Variants in WWOX observed in about 807,000 individuals in gnomAD.
WWOX encodes WW domain containing oxidoreductase, also known as WW domain-containing oxidoreductase.
Under a neutral mutation model 46.2 loss-of-function variants are expected in WWOX, and 69 were observed. The ratio of observed to expected loss-of-function variants is 1.49; its 90% CI spans 1.23 to 1.82. The LOEUF (loss-of-function observed/expected upper bound fraction) is 1.82, where lower values mean the gene tolerates loss of function less well. WWOX is among the 40% of genes most tolerant of loss of function. The pLI, the probability that WWOX is intolerant of heterozygous loss-of-function variation, is 0.00. For missense variants in WWOX, 919 were observed against 542.6 expected (o/e 1.69, Z -6.89); for synonymous variants, 359 against 202.6 (o/e 1.77, Z -6.56).
chr16:79,144,203 G>T (rs1484051464), intron 8 of WWOX, among the ~76,000 whole-genome samples: 1 of 152,156 alleles, frequency 6.6e-6, no homozygotes, highest in East Asian at 1.9e-4. Context: ...CACAGCCAAG[G>T]TCAGCTTTTT....
intron 5 of WWOX, among the ~76,000 whole-genome samples, chr16:78,294,947 A>G (rs2079919797): frequency 6.6e-6 from 1 of 152,202 alleles, no homozygotes; most frequent in African/African-American, 2.4e-5. Flanking sequence ...GCGACTTTCT[A>G]CTTTGTTTTC....
chr16:78,985,474 A>G (rs2046766423), intron 8 of WWOX, among the ~76,000 whole-genome samples: 1 of 152,198 alleles, frequency 6.6e-6, no homozygotes, highest in African/African-American at 2.4e-5. Context: ...CGCCTGCACT[A>G]CATTCAGAAT....
rs372071572 is a variant in WWOX, at chr16:78,415,716, C to T, written c.606-9154C>T. 2.6e-5 allele frequency among the ~76,000 whole-genome samples: 4 copies of T among 152,228 alleles called. No individual in the cohort carries two copies. The East Asian group carries it at 7.7e-4, about 29-fold the overall frequency. On this transcript the variant is annotated intron_variant, in intron 6 of 8. Transcript: ENST00000566780. ...GGGTTAAAAAAGGGAAGGAGCTGGTCCCTTTGCAGTAGGAAGTGCCACCTC... is the reference window on the plus strand; with the variant it reads ...GGGTTAAAAAAGGGAAGGAGCTGGTTCCTTTGCAGTAGGAAGTGCCACCTC...
intron 8 of WWOX, among the ~76,000 whole-genome samples, chr16:79,060,618 A>C (rs564829813): frequency 3.3e-5 from 5 of 152,360 alleles, no homozygotes; most frequent in African/African-American, 1.2e-4. Flanking sequence ...TGTCTTCAAA[A>C]GCAACTGGAC....
intron 8 of WWOX, among the ~76,000 whole-genome samples, chr16:78,674,421 A>T (rs1288431184): frequency 6.6e-6 from 1 of 152,016 alleles, no homozygotes; most frequent in Non-Finnish European, 1.5e-5. Context: ...AGTAGCTGGA[A>T]CTACAGGCGT....
intron 8 of WWOX, among the ~76,000 whole-genome samples, chr16:79,091,786 T>G (rs1014873835): frequency 2.1e-5 from 3 of 142,882 alleles, no homozygotes; most frequent in Non-Finnish European, 3.1e-5. Flanking sequence ...TTTGTTTTTT[T>G]TTTTTTTTTT....
At chr16:78,780,622 A>G (rs1234769899) in intron 8 of WWOX, among the ~76,000 whole-genome samples, 1 of 152,210 alleles carries the variant, frequency 6.6e-6, no homozygotes, top group East Asian at 1.9e-4. Context: ...AGGGAAGACC[A>G]TTTTAAGGAG....
intron 8 of WWOX, among the ~76,000 whole-genome samples, chr16:78,977,552 G>A (rs994484348): frequency 8.6e-5 from 13 of 151,990 alleles, no homozygotes; most frequent in South Asian, 2.1e-4. Context: ...TGGGGGAGTC[G>A]CTTAATTTCC....
chr16:78,950,760 G>T (rs927410815), intron 8 of WWOX, among the ~76,000 whole-genome samples: 3 of 152,112 alleles, frequency 2.0e-5, no homozygotes, highest in African/African-American at 2.4e-5. Flanking sequence ...ATGAAATCTG[G>T]AATGATCTAC....
chr16:78,123,783 G>A (rs1031861319), intron 4 of WWOX: 1 of 151,770 alleles, frequency 6.6e-6, no homozygotes, highest in African/African-American at 2.4e-5. Context: ...AGAATATAGT[G>A]TCCCTTGCCC....
chr16:78,215,558 G>A (rs1265342339), intron 5 of WWOX, among the ~76,000 whole-genome samples: 3 of 152,162 alleles, frequency 2.0e-5, no homozygotes, highest in African/African-American at 7.2e-5. Flanking sequence ...CTAGCCATGC[G>A]GAACTGTGAG....
At chr16:78,405,936 G>C (rs1285813392) in intron 6 of WWOX, among the ~76,000 whole-genome samples, 10 of 152,190 alleles carry the variant, frequency 6.6e-5, no homozygotes, top group Non-Finnish European at 4.4e-5. Context: ...TCTCTGACAT[G>C]CTAAAATTGC....
At chr16:78,474,517 T>C (rs1035202982) in intron 8 of WWOX, among the ~76,000 whole-genome samples, 1 of 152,268 alleles carries the variant, frequency 6.6e-6, no homozygotes, top group African/African-American at 2.4e-5. Flanking sequence ...TGTTTGCTTT[T>C]CTTTAAAGCT....
At chr16:78,949,323 G>T (rs1462008243) in intron 8 of WWOX, among the ~76,000 whole-genome samples, 1 of 152,094 alleles carries the variant, frequency 6.6e-6, no homozygotes, top group African/African-American at 2.4e-5. Context: ...TTTTTAAGGG[G>T]ATGATAATTT....
chr16:78,329,636 A>G (rs904352667), intron 5 of WWOX, among the ~76,000 whole-genome samples: 3 of 152,224 alleles, frequency 2.0e-5, no homozygotes, highest in Non-Finnish European at 4.4e-5. Context: ...GCACACGCTT[A>G]AGGGAAGAAA....
chr16:78,556,129 A>G (rs1189167786), intron 8 of WWOX, among the ~76,000 whole-genome samples: 1 of 152,090 alleles, frequency 6.6e-6, no homozygotes, highest in Admixed American at 6.5e-5. Context: ...GACCACAGAC[A>G]GGCTTTTTCA....
intron 8 of WWOX, among the ~76,000 whole-genome samples, chr16:78,605,443 AAG>A (rs2045733063): frequency 6.6e-6 from 1 of 151,950 alleles, no homozygotes; most frequent in African/African-American, 2.4e-5. Context: ...CTCTCAGTGA[AAG>A]AAAGGCAAGA....
At chr16:78,438,761 C>T (rs2083384891) in intron 8 of WWOX, among the ~76,000 whole-genome samples, 3 of 152,132 alleles carry the variant, frequency 2.0e-5, no homozygotes, top group Admixed American at 1.3e-4. Flanking sequence ...GTTTCCTGTG[C>T]CCGTGTAAAG....
chr16:78,726,336 C>T (rs1314052590), intron 8 of WWOX, among the ~76,000 whole-genome samples: 1 of 151,796 alleles, frequency 6.6e-6, no homozygotes, highest in African/African-American at 2.4e-5. Context: ...GTGATCTTCC[C>T]CACCTCAGCC....
Sources: gnomAD v4.1 joint callset for allele counts (sites outside exome capture counted in the v4.1 genomes callset) on GRCh38, gnomAD v4.1.1 for gene constraint, MANE v1.5 for transcripts, NCBI Gene and HGNC (gene_info 2026-07-23, HGNC 2026-07-21) for gene names.